LRP1B: variants seen among roughly 807,000 people sequenced by gnomAD.
The protein encoded by LRP1B is LDL receptor related protein 1B.
A neutral mutation model predicts 556.6 loss-of-function variants in LRP1B; 217 were observed. The observed-to-expected ratio is 0.39, with a 90% CI of 0.35 to 0.44. The LOEUF (loss-of-function observed/expected upper bound fraction) is 0.44, where lower values mean the gene tolerates loss of function less well. LRP1B is among the 20% of genes least tolerant of loss of function. LRP1B has a pLI of 1.00. For synonymous variants in LRP1B, 2,047 were observed against 1,865.8 expected (o/e 1.10, Z -2.50); for missense variants, 5,053 against 5,620.8 (o/e 0.90, Z 3.23).
At chr2:142,109,829 T>A (rs529280356) in intron 1 of LRP1B, among the ~76,000 whole-genome samples, 5 of 152,258 alleles carry the variant, frequency 3.3e-5, no homozygotes, top group Admixed American at 2.6e-4. Context: ...GATTATTTTA[T>A]TTAAACGGGA....
chr2:141,101,863 G>A (rs1222319712), intron 7 of LRP1B, among the ~76,000 whole-genome samples: 1 of 152,104 alleles, frequency 6.6e-6, no homozygotes, highest in Non-Finnish European at 1.5e-5. Flanking sequence ...ATAGGGAGAA[G>A]CATGCTTTCA....
At chr2:140,269,881 GA>G (rs138472648) in intron 86 of LRP1B, among the ~76,000 whole-genome samples, 1 of 145,336 alleles carries the variant, frequency 6.9e-6, no homozygotes, top group African/African-American at 2.6e-5. Flanking sequence ...AAGTTCTTGT[GA>G]AAAAAAATGG....
Position 140,503,033 on chromosome 2 carries a change from C to T in LRP1B, c.8592G>A (p.Gln2864=), listed in dbSNP as rs750427211. 4 of 1,613,206 alleles carry T rather than the reference C, an allele frequency of 2.5e-6. No individual in the cohort carries two copies. Among genetic ancestry groups the T allele is most frequent in the East Asian group, 4.5e-5 (2 of 44,860 alleles). Residue 2864 remains glutamine, a synonymous_variant, in exon 54 of 91, where the codon CAG becomes CAA. Transcript: ENST00000389484. ...DGRCLLNTQW[Q]CDGDFDCPDH... ...CAGGACAGTCAAAGTCTCCATCACACTGCCATTGAGTATTTAGAAGACACC... is the reference window on the plus strand; with the variant it reads ...CAGGACAGTCAAAGTCTCCATCACATTGCCATTGAGTATTTAGAAGACACC...
chr2:141,123,282 C>T (rs960474348), intron 7 of LRP1B, among the ~76,000 whole-genome samples: 6 of 148,536 alleles, frequency 4.0e-5, no homozygotes, highest in South Asian at 2.1e-4. Context: ...GAAAGTAAAT[C>T]CTTAAAACAA....
intron 3 of LRP1B, among the ~76,000 whole-genome samples, chr2:141,419,781 T>A (rs1416767783): frequency 1.4e-4 from 21 of 152,172 alleles, no homozygotes; most frequent in Admixed American, 1.4e-3. Context: ...CATAATTTTC[T>A]TACTACTTTG....
chr2:141,532,653 C>T (rs1684927337), intron 2 of LRP1B, among the ~76,000 whole-genome samples: 1 of 151,840 alleles, frequency 6.6e-6, no homozygotes, highest in African/African-American at 2.4e-5. Context: ...TTCAGAATAG[C>T]TATTTGGGAT....
chr2:141,812,786 G>A (rs1696401317), intron 1 of LRP1B, among the ~76,000 whole-genome samples: 2 of 152,088 alleles, frequency 1.3e-5, no homozygotes, highest in Admixed American at 6.6e-5. Flanking sequence ...ATTTGACTAA[G>A]GTAATGGGGA....
intron 3 of LRP1B, among the ~76,000 whole-genome samples, chr2:141,337,936 C>T (rs146080625): frequency 0.012 from 1,768 of 152,130 alleles, 23 homozygotes; most frequent in Middle Eastern, 0.02. Flanking sequence ...TTGAATTGGG[C>T]CTGGTATATT....
chr2:140,846,041 T>C (rs1692264108), intron 29 of LRP1B, among the ~76,000 whole-genome samples: 1 of 151,948 alleles, frequency 6.6e-6, no homozygotes, highest in South Asian at 2.1e-4. Flanking sequence ...GGTAGCAAAA[T>C]ATAGATATTA....
intron 6 of LRP1B, among the ~76,000 whole-genome samples, chr2:141,227,771 T>C (rs1368194094): frequency 6.6e-6 from 1 of 152,204 alleles, no homozygotes; most frequent in Non-Finnish European, 1.5e-5. Context: ...AAACATTACA[T>C]AGTATTATTT....
At chr2:141,076,702 C>T (rs1330104990) in intron 7 of LRP1B, among the ~76,000 whole-genome samples, 1 of 152,144 alleles carries the variant, frequency 6.6e-6, no homozygotes, top group Non-Finnish European at 1.5e-5. Context: ...CCTCTCTTCC[C>T]TGGCTGTTTA....
intron 1 of LRP1B, among the ~76,000 whole-genome samples, chr2:141,942,320 C>T (rs781723841): frequency 1.7e-4 from 26 of 152,086 alleles, no homozygotes; most frequent in Admixed American, 1.0e-3. Flanking sequence ...CTTTGAAATG[C>T]CTGTGAAGTA....
chr2:141,730,284 G>A (rs931510128), intron 2 of LRP1B, among the ~76,000 whole-genome samples: 1 of 152,034 alleles, frequency 6.6e-6, no homozygotes, highest in Non-Finnish European at 1.5e-5. Flanking sequence ...CCAGGGTTTG[G>A]GCACAGAATG....
intron 23 of LRP1B, among the ~76,000 whole-genome samples, chr2:140,893,955 G>A (rs1440128195): frequency 3.3e-5 from 5 of 152,160 alleles, no homozygotes. Context: ...GAGGGAAAAT[G>A]AGCAAAAATG....
At chr2:140,271,839 G>A (rs899224071) in intron 85 of LRP1B, among the ~76,000 whole-genome samples, 1 of 151,858 alleles carries the variant, frequency 6.6e-6, no homozygotes, top group Admixed American at 6.6e-5. Flanking sequence ...TAGACTAAGT[G>A]CATCTGAGGG....
chr2:140,759,842 A>G (rs979506214), intron 35 of LRP1B, among the ~76,000 whole-genome samples: 3 of 152,242 alleles, frequency 2.0e-5, no homozygotes, highest in Non-Finnish European at 1.5e-5. Context: ...AAAGGTGTGC[A>G]TACAAATACA....
chr2:140,754,250 A>G (rs1057322794), intron 35 of LRP1B, among the ~76,000 whole-genome samples: 9 of 152,188 alleles, frequency 5.9e-5, no homozygotes, highest in African/African-American at 2.2e-4. Flanking sequence ...ACTAAATGGT[A>G]GGTTCACTAA....
In LRP1B at chr2:141,041,018, G is replaced by C. The variant is rs1698681875; in HGVS notation, c.1789+7968C>G. On this transcript the variant is annotated intron_variant, in intron 11 of 90. Transcript: ENST00000389484. ...TTATTCATTACTCTTTAACTTTATAGCTCCTAAAAAGTACCTTCATTTAAA... is the reference window on the plus strand; with the variant it reads ...TTATTCATTACTCTTTAACTTTATACCTCCTAAAAAGTACCTTCATTTAAA... 2.0e-5 allele frequency among the ~76,000 whole-genome samples: 3 copies of C among 151,996 alleles called. No homozygotes were observed. In the South Asian group the frequency reaches 6.2e-4, roughly 32 times the overall value.
chr2:140,523,923 A>G (rs1690302939), intron 49 of LRP1B, among the ~76,000 whole-genome samples: 1 of 151,958 alleles, frequency 6.6e-6, no homozygotes, highest in South Asian at 2.1e-4. Flanking sequence ...AAAAGAATTT[A>G]TGACTAAGTC....
Sources: allele counts gnomAD v4.1 joint callset (sites outside exome capture counted in the v4.1 genomes callset), GRCh38; gene constraint gnomAD v4.1.1; transcripts MANE v1.5; gene names NCBI Gene and HGNC (gene_info 2026-07-23, HGNC 2026-07-21).